Variants in AGPAT3 observed in about 807,000 individuals in gnomAD.
AGPAT3 encodes 1-acylglycerol-3-phosphate O-acyltransferase 3, also known as 1-acyl-sn-glycerol-3-phosphate acyltransferase gamma.
In AGPAT3, 5 loss-of-function variants were observed where a neutral mutation model predicts 47.3. The observed-to-expected ratio is 0.11, with a 90% CI of 0.06 to 0.22. AGPAT3 has a LOEUF of 0.22. Among genes scored for constraint, AGPAT3 ranks in the 10% least tolerant of loss-of-function variants. The pLI is 1.00. For synonymous variants in AGPAT3, 212 were observed against 208.3 expected, an observed-to-expected ratio of 1.02 and a Z score of -0.15; for missense variants, 315 against 493.0, an observed-to-expected ratio of 0.64 and a Z score of 3.42.
intron 2 of AGPAT3, chr21:43,951,007 A>G (rs2838447): frequency 0.48 from 72,910 of 152,166 alleles, 17,669 homozygotes; most frequent in African/African-American, 0.53. Flanking sequence ...TTGAGATATC[A>G]CTGCGTCTCT....
intron 1 of AGPAT3, among the ~76,000 whole-genome samples, chr21:43,888,338 C>T (rs2086026303): frequency 6.6e-6 from 1 of 152,188 alleles, no homozygotes; most frequent in Non-Finnish European, 1.5e-5. Context: ...CTGCACCCAG[C>T]TTGGTTTTAC....
rs1303511324 is a variant in AGPAT3 at position 43,982,487 on chromosome 21, A to G, written c.*95A>G. 16 of 899,456 alleles carry G rather than the reference A, an allele frequency of 1.8e-5. No individual in the cohort carries two copies. The highest frequency in any genetic ancestry group is 2.6e-5 in the Non-Finnish European group (15 of 577,240). The allele number at this position is 899,456 out of a possible 1,614,324, so 55.7% of individuals were successfully genotyped here. The stretch of plus-strand genomic sequence containing the variant: ...GTGCAGGAAAAGACAATTAGAAACT[A>G]TTTTTCTTATTAACTGGTGACTAAT... On this transcript the variant is annotated 3_prime_UTR_variant, in exon 10 of 10. Transcript: ENST00000291572. The surrounding 1 kb of genome is among the most constrained non-coding windows in gnomAD (Gnocchi z 6.2).
rs2087188390 is a variant in AGPAT3, at chr21:43,930,032, G to A, written c.-49+26013G>A. 6.6e-6 allele frequency among the ~76,000 whole-genome samples: 1 copy of A among 152,226 alleles called. No individual in the cohort carries two copies. The highest frequency in any genetic ancestry group is 1.5e-5 in the Non-Finnish European group (1 of 68,044). On this transcript the variant is annotated intron_variant, in intron 2 of 9. Transcript: ENST00000291572. The surrounding 1 kb of genome is among the most constrained non-coding windows in gnomAD (Gnocchi z 5.0). ...AGAGGACTTGAGTGACTGTCCTCCT[G>A]GAACCCAGGGTGCCTTGTCCTGGCA...
At position 43,970,868 on chromosome 21, in the gene AGPAT3, T is replaced by C; in HGVS notation, c.664+62T>C. 8.7e-7 allele frequency: 1 copy of C among 1,147,420 alleles called. No homozygotes were observed. The highest frequency in any genetic ancestry group is 1.1e-6 in the Non-Finnish European group (1 of 875,348). The allele number at this position is 1,147,420 out of a possible 1,614,324, so 71.1% of individuals were successfully genotyped here. On this transcript the variant is annotated intron_variant, in intron 6 of 9. Coordinates refer to ENST00000291572, the MANE Select transcript of AGPAT3 (RefSeq NM_020132.5). This position sits in a 1 kb window ranked among gnomAD's most constrained non-coding sequence, Gnocchi z 5.8. ...TGCTCACGGAAAATAGTGATTTCTT[T>C]AAAAAAAAAAAAAATGAGTGCATTC...
chr21:43,914,498 A>C (rs1452452936), intron 2 of AGPAT3, among the ~76,000 whole-genome samples: 1 of 152,084 alleles, frequency 6.6e-6, no homozygotes, highest in African/African-American at 2.4e-5. Context: ...TTTATTTAAA[A>C]ATTTTTTAAA....
chr21:43,949,576 G>A (rs1295343113), intron 2 of AGPAT3, among the ~76,000 whole-genome samples: 1 of 152,204 alleles, frequency 6.6e-6, no homozygotes, highest in African/African-American at 2.4e-5. Context: ...AAGTCAACCT[G>A]GGTTCAAAAG....
intron 2 of AGPAT3, among the ~76,000 whole-genome samples, chr21:43,953,915 C>T (rs528103467): frequency 1.3e-5 from 2 of 152,340 alleles, no homozygotes; most frequent in South Asian, 4.1e-4. Context: ...CAGAGAATCA[C>T]TTGAGCCTAG....
In AGPAT3 at chr21:43,879,996, G is replaced by A. The variant is rs954203353; in HGVS notation, c.-112+14651G>A. Among the ~76,000 whole-genome samples the A allele has an allele frequency of 4.6e-5, 7 of 152,192 alleles. No individual in the cohort carries two copies. The East Asian group carries it at 5.8e-4, about 13-fold the overall frequency. The stretch of plus-strand genomic sequence containing the variant: ...AACTGAGAAGACGTGGGTTCTGCCC[G>A]TCTCTGTTACTGTTTATTCTTGAAG... On this transcript the variant is annotated intron_variant, in intron 1 of 9. Transcript: ENST00000291572.
chr21:43,897,554 G>A (rs924929570), intron 1 of AGPAT3, among the ~76,000 whole-genome samples: 32 of 151,280 alleles, frequency 2.1e-4, no homozygotes, highest in African/African-American at 7.0e-4. Flanking sequence ...CAGAGGGGGC[G>A]GCCGGGCAGA....
rs1006843540 is a variant in AGPAT3, at chr21:43,984,894, C to T, written c.*2502C>T. The T allele has an allele frequency of 1.1e-5, 4 of 348,826 alleles. No individual in the cohort carries two copies. Among genetic ancestry groups the T allele is most frequent in the Admixed American group, 4.0e-5 (1 of 25,050 alleles). The allele number at this position is 348,826 out of a possible 1,614,324, so 21.6% of individuals were successfully genotyped here. A position where few individuals can be genotyped will look rare whatever the true frequency, so the allele number is the denominator to read the frequency against. The stretch of plus-strand genomic sequence containing the variant: ...CTCAGGCTGAAGCAACTCTGTAGCC[C>T]ACAGTCCGTGCTGGCCACTGTCGGG... On this transcript the variant is annotated 3_prime_UTR_variant, in exon 10 of 10. Coordinates refer to ENST00000291572, the MANE Select transcript of AGPAT3 (RefSeq NM_020132.5).
intron 2 of AGPAT3, among the ~76,000 whole-genome samples, chr21:43,941,217 T>C (rs953521092): frequency 1.3e-5 from 2 of 152,164 alleles, no homozygotes; most frequent in African/African-American, 4.8e-5. Context: ...CGCTAGACTG[T>C]GTTTGTTTTT....
chr21:43,953,552 C>A (rs2088304591), intron 2 of AGPAT3, among the ~76,000 whole-genome samples: 1 of 152,136 alleles, frequency 6.6e-6, no homozygotes, highest in Non-Finnish European at 1.5e-5. Flanking sequence ...GACTTTCAAG[C>A]CTAATGTTAA....
chr21:43,916,179 A>G (rs952481033), intron 2 of AGPAT3: 2 of 152,312 alleles, frequency 1.3e-5, no homozygotes, highest in Non-Finnish European at 2.9e-5. Context: ...GAATGTTTCC[A>G]TGGGATACTG....
At chr21:43,945,502 G>A (rs756060832) in intron 2 of AGPAT3, among the ~76,000 whole-genome samples, 6 of 152,100 alleles carry the variant, frequency 3.9e-5, no homozygotes, top group African/African-American at 7.2e-5. Context: ...TGGACAGGGC[G>A]CCGTAATGGT....
At chr21:43,976,382 T>C (rs1455908966) in intron 7 of AGPAT3, among the ~76,000 whole-genome samples, 1 of 152,222 alleles carries the variant, frequency 6.6e-6, no homozygotes, top group African/African-American at 2.4e-5. Context: ...GTAGTCTTAG[T>C]AGAGATGGGG....
At position 43,939,515 on chromosome 21, in the gene AGPAT3, C is replaced by T. The variant is rs545322499; in HGVS notation, c.-48-20119C>T. 2.5e-4 allele frequency among the ~76,000 whole-genome samples: 38 copies of T among 152,334 alleles called. 1 individual carries two copies. The highest frequency in any genetic ancestry group is 7.0e-4 in the African/African-American group (29 of 41,570). On this transcript the variant is annotated intron_variant, in intron 2 of 9. Coordinates refer to ENST00000291572, the MANE Select transcript of AGPAT3 (RefSeq NM_020132.5). This position sits in a 1 kb window ranked among gnomAD's most constrained non-coding sequence, Gnocchi z 4.4. Reference sequence around the variant, plus strand: ...GCGGCCCACCCCACAGCTCTTCCAGCGTGGGAGCTCTGAACATGGGACCCG... The same window carrying T: ...GCGGCCCACCCCACAGCTCTTCCAGTGTGGGAGCTCTGAACATGGGACCCG...
At chr21:43,911,692 G>A (rs2086636350) in intron 2 of AGPAT3, among the ~76,000 whole-genome samples, 1 of 152,244 alleles carries the variant, frequency 6.6e-6, no homozygotes, top group Non-Finnish European at 1.5e-5. Context: ...CATCCCACAC[G>A]GGGTTCCTCC....
intron 1 of AGPAT3, among the ~76,000 whole-genome samples, chr21:43,874,162 A>T (rs1231983473): frequency 1.3e-5 from 2 of 152,102 alleles, no homozygotes; most frequent in Non-Finnish European, 2.9e-5. Flanking sequence ...AGTAGCTGGG[A>T]TTATAGGCGT....
In AGPAT3 at chr21:43,982,543, T is replaced by C. The variant is rs2146967901; in HGVS notation, c.*151T>C. ...CAAAACTTGAGCCAAGAGTAAAGAA[T>C]TCAGAAGGCCTGTCAGGTGAAGTCT... On this transcript the variant is annotated 3_prime_UTR_variant, in exon 10 of 10. Coordinates refer to ENST00000291572, the MANE Select transcript of AGPAT3 (RefSeq NM_020132.5). The surrounding 1 kb of genome is among the most constrained non-coding windows in gnomAD (Gnocchi z 6.2). 1 of 571,686 alleles carries C rather than the reference T, an allele frequency of 1.7e-6. No individual in the cohort carries two copies. Among genetic ancestry groups the C allele is most frequent in the South Asian group, 2.0e-5 (1 of 49,542 alleles). The allele number at this position is 571,686 out of a possible 1,614,324, so 35.4% of individuals were successfully genotyped here.
Sources: gnomAD v4.1 joint callset for allele counts (sites outside exome capture counted in the v4.1 genomes callset) on GRCh38, gnomAD v4.1.1 for gene constraint, Gnocchi (gnomAD v3.1) non-coding constraint, MANE v1.5 for transcripts, NCBI Gene and HGNC (gene_info 2026-07-23, HGNC 2026-07-21) for gene names.